VPS26C: variants seen among roughly 807,000 people sequenced by gnomAD.
VPS26C encodes VPS26 endosomal protein sorting factor C.
VPS26C carries 19 observed loss-of-function variants against 30.6 expected under a neutral mutation model. That is an observed-to-expected ratio of 0.62 (90% CI 0.43 to 0.91). The LOEUF (loss-of-function observed/expected upper bound fraction) is 0.91, where lower values mean the gene tolerates loss of function less well. VPS26C is among the 40% of genes least tolerant of loss of function. VPS26C has a pLI of 0.00. For synonymous variants in VPS26C, 132 were observed against 151.5 expected (o/e 0.87, Z 0.95); for missense variants, 318 against 385.1 (o/e 0.83, Z 1.46).
intron 1 of VPS26C, among the ~76,000 whole-genome samples, chr21:37,250,259 C>T (rs1281757602): frequency 1.3e-5 from 2 of 151,462 alleles, no homozygotes. Flanking sequence ...GAGCTGAGAT[C>T]ACGCCACTGC....
At chr21:37,232,534 AC>A (rs2085976853) in intron 4 of VPS26C, 83 bp from the exon 5 acceptor site, 1 of 1,205,942 alleles carries the variant, frequency 8.3e-7, no homozygotes, top group Non-Finnish European at 1.2e-6. Flanking sequence ...TCAAAAATAA[AC>A]CAACGGCAGC....
At chr21:37,234,418 A>G (rs558841137) in intron 3 of VPS26C, among the ~76,000 whole-genome samples, 89 of 152,320 alleles carry the variant, frequency 5.8e-4, no homozygotes, top group African/African-American at 2.0e-3. Flanking sequence ...GGTGAGCTCT[A>G]TTCCCCCAAG....
At chr21:37,260,917 T>C (rs1201424076) in intron 1 of VPS26C, among the ~76,000 whole-genome samples, 1 of 152,228 alleles carries the variant, frequency 6.6e-6, no homozygotes, top group Admixed American at 6.5e-5. Flanking sequence ...GCAAAATCCA[T>C]AATGTGCCTA....
At chr21:37,228,560 A>C in intron 5 of VPS26C, 187 bp from the exon 6 acceptor site, 5 of 589,610 alleles carry the variant, frequency 8.5e-6, no homozygotes, top group African/African-American at 1.9e-5. Context: ...TGAATTATTC[A>C]ACGACTCTCT....
At position 37,233,155 on chromosome 21, in the gene VPS26C, G is replaced by C. The variant is rs953660798; in HGVS notation, c.432+207C>G. The C allele has an allele frequency of 1.7e-5, 9 of 534,924 alleles. No individual in the cohort carries two copies. Among genetic ancestry groups the C allele is most frequent in the African/African-American group, 1.3e-4 (7 of 53,048 alleles). 33.1% of individuals were successfully genotyped at this position (534,924 alleles called of 1,614,324 possible). On this transcript the variant is annotated intron_variant, in intron 4 of 7. Transcript: ENST00000309117. The surrounding 1 kb of genome is among the most constrained non-coding windows in gnomAD (Gnocchi z 5.2). Reference sequence around the variant, plus strand: ...CGACGTGGAGTCCCTCTGGCCCGCGGCCTCAGCTGGGGGACTCTGGGCCCA... The same window carrying C: ...CGACGTGGAGTCCCTCTGGCCCGCGCCCTCAGCTGGGGGACTCTGGGCCCA...
Position 37,267,230 on chromosome 21 carries a change from C to A in VPS26C, c.57+8G>T, listed in dbSNP as rs1436416438. ...CCACCTCCATCCCCACCCCCAGCCC[C>A]CACTTACCCCGGCGTGATAAACTTT... On this transcript the variant is annotated splice_region_variant and intron_variant, in intron 1 of 7. Coordinates refer to ENST00000309117, the MANE Select transcript of VPS26C (RefSeq NM_006052.2). 1.3e-6 allele frequency: 2 copies of A among 1,595,112 alleles called. No homozygotes were observed. The highest frequency in any genetic ancestry group is 2.2e-5 in the South Asian group (2 of 90,482).
intron 1 of VPS26C, among the ~76,000 whole-genome samples, chr21:37,243,237 AC>A (rs1464389547): frequency 1.3e-5 from 2 of 152,172 alleles, no homozygotes; most frequent in Admixed American, 1.3e-4. Context: ...TCCAGATAGT[AC>A]TAATACCTCG....
At chr21:37,235,880 T>TATATA (rs1491429073) in intron 3 of VPS26C, among the ~76,000 whole-genome samples, 1 of 98,448 alleles carries the variant, frequency 1.0e-5, no homozygotes, top group Admixed American at 9.9e-5. Context: ...TATATATATA[T>TATATA]TTTTTTTTTT....
At chr21:37,258,119 T>A (rs1174427693) in intron 1 of VPS26C, among the ~76,000 whole-genome samples, 10 of 152,212 alleles carry the variant, frequency 6.6e-5, no homozygotes, top group Admixed American at 6.5e-4. Flanking sequence ...GAGATCTGCC[T>A]GCAGCCAGCA....
At chr21:37,259,219 C>A (rs917346579) in intron 1 of VPS26C, among the ~76,000 whole-genome samples, 15 of 150,056 alleles carry the variant, frequency 1.0e-4, no homozygotes, top group East Asian at 7.8e-4. Context: ...AAAAAAAAAA[C>A]AAAAAAACTA....
chr21:37,267,202 A>ACCCCCCCCCCCTCCCCCCCCCCCCCC, intron 1 of VPS26C, 36 bp downstream of exon 1: 1 of 998,936 alleles, frequency 1.0e-6, no homozygotes, highest in South Asian at 1.3e-5. Context: ...GACCCGCCCA[A>ACCCCCCCCCCCTCCCCCCCCCCCCCC]CCCCACCTCC....
In VPS26C at chr21:37,238,595, G is replaced by A. The variant is rs1438119062; in HGVS notation, c.216C>T (p.Ile72=). ...FYNSVKPIQI[I]NSTIEMVKPG... ...GCTTCACCATTTCTATGGTGCTGTT[G>A]ATAATCTGGATAGGCTGTAAACAAA... is the stretch of plus-strand genomic sequence containing the variant. The change falls in exon 3 of 8, where the codon ATC becomes ATT. Residue 72 remains isoleucine (I), a synonymous_variant. Transcript: ENST00000309117. The A allele has an allele frequency of 6.2e-7, 1 of 1,614,098 alleles. No individual in the cohort carries two copies. Among genetic ancestry groups the A allele is most frequent in the Non-Finnish European group, 8.5e-7 (1 of 1,180,002 alleles).
upstream of VPS26C, chr21:37,267,364 GCTTCGTTCTGGGC>G (rs2086379418): frequency 7.1e-7 from 1 of 1,410,932 alleles, no homozygotes; most frequent in Admixed American, 1.7e-5. Context: ...GCGCCTCCCC[GCTTCGTTCTGGGC>G]CCCGCCCCTT....
rs114576290 is a variant in VPS26C, at chr21:37,262,767, A to G, written c.57+4471T>C. On this transcript the variant is annotated intron_variant, in intron 1 of 7. Coordinates refer to ENST00000309117, the MANE Select transcript of VPS26C (RefSeq NM_006052.2). ...ATTTTACCTTCTTCTGTAGCACGTT[A>G]ATTTTTTTTTTTTTTTTTGAGACAG... 3.1e-3 allele frequency among the ~76,000 whole-genome samples: 460 copies of G among 147,566 alleles called. 7 individuals carry two copies. Among genetic ancestry groups the G allele is most frequent in the African/African-American group, 0.011 (433 of 38,020 alleles).
Position 37,257,186 on chromosome 21 carries a change from G to T in VPS26C, c.57+10052C>A, listed in dbSNP as rs1048864851. Among the ~76,000 whole-genome samples, 1 of 152,174 alleles carries T rather than the reference G, an allele frequency of 6.6e-6. No homozygotes were observed. Among genetic ancestry groups the T allele is most frequent in the South Asian group, 2.1e-4 (1 of 4,826 alleles). On this transcript the variant is annotated intron_variant, in intron 1 of 7. Transcript: ENST00000309117. The surrounding 1 kb of genome is among the most constrained non-coding windows in gnomAD (Gnocchi z 4.2). ...AAAAAAGCAAATATATGTAAAAATAGGAAGTGCGGTTTCCCAAAATGAGGT... is the reference window on the plus strand; with the variant it reads ...AAAAAAGCAAATATATGTAAAAATATGAAGTGCGGTTTCCCAAAATGAGGT...
intron 1 of VPS26C, among the ~76,000 whole-genome samples, chr21:37,250,199 G>T (rs962657972): frequency 6.6e-6 from 1 of 152,072 alleles, no homozygotes; most frequent in African/African-American, 2.4e-5. Flanking sequence ...CAGCTACTTG[G>T]GAGGCTGAGG....
chr21:37,228,147 T>C (rs1392696480), intron 6 of VPS26C, 76 bp downstream of exon 6: 77 of 1,551,390 alleles, frequency 5.0e-5, no homozygotes, highest in Non-Finnish European at 6.7e-5. Context: ...CCCCCCAGCA[T>C]CCTCTTAACC....
chr21:37,227,739 C>T lies in VPS26C; in HGVS notation c.726G>A (p.Val242=). ...AGATGGGGACAGAGAGGCCCCTGCACACATCCCCGTCGGCGATCTGAATGT... is the reference window on the plus strand; with the variant it reads ...AGATGGGGACAGAGAGGCCCCTGCATACATCCCCGTCGGCGATCTGAATGT... ...IQNIQIADGD[V]CRGLSVPIYM... is the part of the protein sequence containing the mutation. Residue 242 remains valine (V), a synonymous_variant, in exon 7 of 8, where the codon GTG becomes GTA. Coordinates refer to ENST00000309117, the MANE Select transcript of VPS26C (RefSeq NM_006052.2). 1.2e-6 allele frequency: 2 copies of T among 1,614,208 alleles called. No individual in the cohort carries two copies. Among genetic ancestry groups the T allele is most frequent in the Non-Finnish European group, 1.7e-6 (2 of 1,180,032 alleles).
At position 37,225,435 on chromosome 21, in the gene VPS26C, T is replaced by C. The variant is rs1422031960; in HGVS notation, c.*109A>G. On this transcript the variant is annotated 3_prime_UTR_variant, in exon 8 of 8. Coordinates refer to ENST00000309117, the MANE Select transcript of VPS26C (RefSeq NM_006052.2). ...GGTCTGTTTCATTTCTGATACAGAA[T>C]AATCACAAAAACAAGTATATGCCGC... is the stretch of plus-strand genomic sequence containing the variant. The C allele has an allele frequency of 1.4e-5, 13 of 916,046 alleles. No homozygotes were observed. The East Asian group carries it at 3.3e-4, about 23-fold the overall frequency. 56.7% of individuals were successfully genotyped at this position (916,046 alleles called of 1,614,324 possible).
Sources: allele counts gnomAD v4.1 joint callset (sites outside exome capture counted in the v4.1 genomes callset), GRCh38; gene constraint gnomAD v4.1.1; non-coding constraint Gnocchi (gnomAD v3.1); transcripts MANE v1.5; gene names NCBI Gene and HGNC (gene_info 2026-07-23, HGNC 2026-07-21).